GRID2: variants seen among roughly 807,000 people sequenced by gnomAD.
GRID2 encodes glutamate ionotropic receptor delta type subunit 2.
In GRID2, 33 loss-of-function variants were observed where a neutral mutation model predicts 114.8. The ratio of observed to expected loss-of-function variants is 0.29; its 90% CI spans 0.22 to 0.38. The LOEUF (loss-of-function observed/expected upper bound fraction) is 0.38. Ranked by LOEUF, GRID2 falls within the 10% of genes least tolerant of loss-of-function variation. GRID2 has a pLI of 1.00. For synonymous variants in GRID2, 505 were observed against 449.9 expected, an observed-to-expected ratio of 1.12 and a Z score of -1.55; for missense variants, 1,184 against 1,257.7, an observed-to-expected ratio of 0.94 and a Z score of 0.89.
chr4:92,922,686 T>C (rs1488622000), intron 2 of GRID2, among the ~76,000 whole-genome samples: 1 of 152,110 alleles, frequency 6.6e-6, no homozygotes, highest in Non-Finnish European at 1.5e-5. Flanking sequence ...AATATATAAA[T>C]TATATAATAA....
At chr4:92,449,710 T>TATATATATATATAAAA (rs1266661271) in intron 1 of GRID2, among the ~76,000 whole-genome samples, 2 of 131,714 alleles carry the variant, frequency 1.5e-5, no homozygotes, top group African/African-American at 5.8e-5. Flanking sequence ...TATATATATA[T>TATATATATATATAAAA]AACACTTAAG....
intron 11 of GRID2, among the ~76,000 whole-genome samples, chr4:93,487,005 G>C (rs975730953): frequency 6.6e-6 from 1 of 151,710 alleles, no homozygotes; most frequent in African/African-American, 2.4e-5. Flanking sequence ...TGAAATCTTT[G>C]ATAGTTACAA....
intron 2 of GRID2, among the ~76,000 whole-genome samples, chr4:92,700,063 G>C (rs1376794054): frequency 6.6e-6 from 1 of 152,070 alleles, no homozygotes; most frequent in African/African-American, 2.4e-5. Context: ...TGAGGTTTTT[G>C]GTGACTATCA....
chr4:93,782,378 A>G (rs770202226), intron 1 of GRID2, among the ~76,000 whole-genome samples: 12 of 152,208 alleles, frequency 7.9e-5, no homozygotes, highest in Non-Finnish European at 1.6e-4. Context: ...TATACTTGAC[A>G]CTACAAATCA....
chr4:93,626,547 C>A, intron 14 of GRID2, 112 bp downstream of exon 14: 2 of 628,006 alleles, frequency 3.2e-6, no homozygotes, highest in Admixed American at 2.9e-5. Flanking sequence ...AGGAGAAGCA[C>A]AATAAACAAC....
intron 2 of GRID2, among the ~76,000 whole-genome samples, chr4:93,081,997 C>A (rs562496688): frequency 6.6e-6 from 1 of 152,266 alleles, no homozygotes; most frequent in South Asian, 2.1e-4. Flanking sequence ...TCATCTAGGG[C>A]CCTGTAGATC....
At chr4:93,673,929 G>A (rs1247494458) in intron 14 of GRID2, among the ~76,000 whole-genome samples, 2 of 151,824 alleles carry the variant, frequency 1.3e-5, no homozygotes, top group East Asian at 1.9e-4. Context: ...TAGTGACCCC[G>A]CCCTCTCTAG....
At chr4:93,048,569 G>A (rs1726388780) in intron 2 of GRID2, among the ~76,000 whole-genome samples, 1 of 151,940 alleles carries the variant, frequency 6.6e-6, no homozygotes, top group Admixed American at 6.6e-5. Flanking sequence ...TTTCAAAAAT[G>A]CTTCCTTCGC....
chr4:93,046,298 C>G (rs923963169), intron 2 of GRID2, among the ~76,000 whole-genome samples: 8 of 152,034 alleles, frequency 5.3e-5, no homozygotes, highest in African/African-American at 1.9e-4. Flanking sequence ...GGTCGTTCTT[C>G]AGGCATCTGG....
At chr4:92,875,043 TTATTAGATGTAAA>T (rs1745520398) in intron 2 of GRID2, among the ~76,000 whole-genome samples, 1 of 152,122 alleles carries the variant, frequency 6.6e-6, no homozygotes, top group Admixed American at 6.5e-5. Flanking sequence ...CAACTGGACT[TTATTAGATGTAAA>T]TATTGTTTAA....
In GRID2 at chr4:93,098,236, AT is replaced by A. The variant is rs202190489; in HGVS notation, c.530-12510del. Among the ~76,000 whole-genome samples, 1,115 of 152,108 alleles carry A rather than the reference AT, an allele frequency of 7.3e-3. 22 individuals carry two copies. The highest frequency in any genetic ancestry group is 0.026 in the African/African-American group (1,066 of 41,554). On this transcript the variant is annotated intron_variant, in intron 3 of 15. Transcript: ENST00000282020. Reference sequence around the variant, plus strand: ...GTTTTACCTTCATTGTGTTAATGATATTGACCAACCCTTCCAATTTTGCATT... The same window carrying A: ...GTTTTACCTTCATTGTGTTAATGATATGACCAACCCTTCCAATTTTGCATT...
chr4:93,257,791 T>A (rs2149542616), intron 8 of GRID2, among the ~76,000 whole-genome samples: 1 of 151,592 alleles, frequency 6.6e-6, no homozygotes, highest in South Asian at 2.1e-4. Context: ...TACTTGGTAA[T>A]ATCTATTTAT....
At chr4:93,805,976 G>C (rs1268695618) in intron 1 of GRID2, among the ~76,000 whole-genome samples, 1 of 151,980 alleles carries the variant, frequency 6.6e-6, no homozygotes, top group African/African-American at 2.4e-5. Flanking sequence ...ATGTGCCTGT[G>C]GTCCCAGCTA....
chr4:92,310,073 T>C (rs1725617505), intron 1 of GRID2, among the ~76,000 whole-genome samples: 1 of 152,034 alleles, frequency 6.6e-6, no homozygotes, highest in South Asian at 2.1e-4. Context: ...TGACCATATA[T>C]GTTTTCAGAT....
At chr4:93,378,131 T>G (rs1016449133) in intron 8 of GRID2, among the ~76,000 whole-genome samples, 4 of 152,128 alleles carry the variant, frequency 2.6e-5, no homozygotes, top group South Asian at 2.1e-4. Context: ...TTCAAAAAAT[T>G]TATACCTTCA....
intron 1 of GRID2, among the ~76,000 whole-genome samples, chr4:92,306,576 G>A (rs538684726): frequency 4.0e-4 from 61 of 152,268 alleles, no homozygotes; most frequent in Middle Eastern, 3.4e-3. Context: ...CTCTCAGGAG[G>A]GAAAGCCTGT....
chr4:92,356,490 G>A lies in GRID2; in HGVS notation c.88+51746G>A, dbSNP rs189444769. Among the ~76,000 whole-genome samples, 7 of 151,296 alleles carry A rather than the reference G, an allele frequency of 4.6e-5. No individual in the cohort carries two copies. In the East Asian group the frequency reaches 1.2e-3, roughly 25 times the overall value. ...TGCCCACTGATTTATGAGATTCTCAGCCATAAAAAATTTATATGCATATTA... is the reference window on the plus strand; with the variant it reads ...TGCCCACTGATTTATGAGATTCTCAACCATAAAAAATTTATATGCATATTA... On this transcript the variant is annotated intron_variant, in intron 1 of 15. Transcript: ENST00000282020.
At chr4:93,054,808 CAAGTT>C (rs1440324222) in intron 2 of GRID2, among the ~76,000 whole-genome samples, 7 of 151,308 alleles carry the variant, frequency 4.6e-5, no homozygotes, top group Non-Finnish European at 7.4e-5. Flanking sequence ...AGTAAGGAAT[CAAGTT>C]GATTGAAAAA....
intron 1 of GRID2, among the ~76,000 whole-genome samples, chr4:92,440,161 G>T (rs1444005586): frequency 6.8e-6 from 1 of 146,234 alleles, no homozygotes; most frequent in Non-Finnish European, 1.5e-5. Context: ...GCTGAGCTTG[G>T]TGAGGTGTGT....
Sources: allele counts gnomAD v4.1 joint callset (sites outside exome capture counted in the v4.1 genomes callset), GRCh38; gene constraint gnomAD v4.1.1; transcripts MANE v1.5; gene names NCBI Gene and HGNC (gene_info 2026-07-23, HGNC 2026-07-21).